IPMK: variants seen among roughly 807,000 people sequenced by gnomAD.
IPMK encodes inositol polyphosphate multikinase, also known as inositol 1,3,4,6-tetrakisphosphate 5-kinase.
Under a neutral mutation model 45.8 loss-of-function variants are expected in IPMK, and 17 were observed. The observed-to-expected ratio is 0.37, with a 90% CI of 0.25 to 0.56. IPMK has a LOEUF of 0.56. Among genes scored for constraint, IPMK ranks in the 20% least tolerant of loss-of-function variants. IPMK has a pLI of 0.79. For missense variants in IPMK, 399 were observed against 498.0 expected (o/e 0.80, Z 1.89); for synonymous variants, 180 against 184.3 (o/e 0.98, Z 0.19).
chr10:58,256,074 T>C (rs572423281), intron 1 of IPMK, among the ~76,000 whole-genome samples: 13 of 152,206 alleles, frequency 8.5e-5, no homozygotes, highest in Non-Finnish European at 1.6e-4. Flanking sequence ...TTGTAAAGCA[T>C]GTGTGTTTAA....
At chr10:58,215,196 C>G (rs1176300147) in intron 4 of IPMK, among the ~76,000 whole-genome samples, 2 of 152,106 alleles carry the variant, frequency 1.3e-5, no homozygotes, top group East Asian at 3.9e-4. Flanking sequence ...TTACATACAA[C>G]CCAAATAAAT....
In IPMK at chr10:58,191,816, T is replaced by C. The variant is rs1837822754; in HGVS notation, c.*4260A>G. On this transcript the variant is annotated 3_prime_UTR_variant, in exon 6 of 6. Coordinates refer to ENST00000373935, the MANE Select transcript of IPMK (RefSeq NM_152230.5). ...CTGCTTATAGTCACTAATAACACAATTTTAGGTGCAATTTCACATGCTTTC... is the reference window on the plus strand; with the variant it reads ...CTGCTTATAGTCACTAATAACACAACTTTAGGTGCAATTTCACATGCTTTC... 1.3e-5 allele frequency: 2 copies of C among 152,092 alleles called. No individual in the cohort carries two copies. The highest frequency in any genetic ancestry group is 4.1e-4 in the South Asian group (2 of 4,836). The allele number at this position is 152,092 out of a possible 1,614,324, so 9.4% of individuals were successfully genotyped here.
Position 58,244,794 on chromosome 10 carries a change from G to T in IPMK, c.191-6980C>A, listed in dbSNP as rs1292615818. 3.9e-5 allele frequency among the ~76,000 whole-genome samples: 6 copies of T among 152,252 alleles called. No homozygotes were observed. In the East Asian group the frequency reaches 1.2e-3, roughly 29 times the overall value. ...TGCTGTGTCAACTCAGGGTTAAATG[G>T]ATTAAGGGCGGTGCACGATGTGCTT... On this transcript the variant is annotated intron_variant, in intron 1 of 5. Coordinates refer to ENST00000373935, the MANE Select transcript of IPMK (RefSeq NM_152230.5).
intron 1 of IPMK, among the ~76,000 whole-genome samples, chr10:58,239,616 G>A (rs1838666749): frequency 6.6e-6 from 1 of 152,124 alleles, no homozygotes; most frequent in African/African-American, 2.4e-5. Flanking sequence ...AAAAGAGATT[G>A]CTTCGTCCAA....
intron 2 of IPMK, among the ~76,000 whole-genome samples, chr10:58,233,923 C>G (rs1009424375): frequency 6.6e-6 from 1 of 152,126 alleles, no homozygotes; most frequent in African/African-American, 2.4e-5. Context: ...AAAACCCCAT[C>G]GTCTCAGCCC....
At chr10:58,197,757 G>A (rs1311109833) in intron 5 of IPMK, among the ~76,000 whole-genome samples, 2 of 152,106 alleles carry the variant, frequency 1.3e-5, no homozygotes, top group South Asian at 2.1e-4. Flanking sequence ...TTCGGGCTGG[G>A]CGCAGTGGCT....
At chr10:58,251,940 C>T (rs962249497) in intron 1 of IPMK, among the ~76,000 whole-genome samples, 2 of 152,210 alleles carry the variant, frequency 1.3e-5, no homozygotes, top group African/African-American at 4.8e-5. Context: ...GTCAGCAACT[C>T]TATGTCTTTT....
At chr10:58,233,240 G>C (rs545044831) in intron 2 of IPMK, among the ~76,000 whole-genome samples, 1 of 152,140 alleles carries the variant, frequency 6.6e-6, no homozygotes, top group Non-Finnish European at 1.5e-5. Flanking sequence ...TCTACCAGAA[G>C]TACAAAGAGG....
intron 1 of IPMK, among the ~76,000 whole-genome samples, chr10:58,261,281 T>C (rs1839062282): frequency 1.3e-5 from 2 of 150,126 alleles, no homozygotes; most frequent in South Asian, 2.1e-4. Flanking sequence ...AAAAAGAAAC[T>C]CAAAAAGGGT....
intron 1 of IPMK, among the ~76,000 whole-genome samples, chr10:58,253,160 G>A (rs1252005170): frequency 6.6e-6 from 1 of 152,162 alleles, no homozygotes; most frequent in Non-Finnish European, 1.5e-5. Flanking sequence ...ATAAATGGAA[G>A]TTCCACTGCA....
chr10:58,245,146 G>A lies in IPMK; in HGVS notation c.191-7332C>T, dbSNP rs1838777647. ...TGCTAAAGCATGGATAAAACTTAAA[G>A]ACATTATGCTAAGTGAAATAAGCCA... On this transcript the variant is annotated intron_variant, in intron 1 of 5. Coordinates refer to ENST00000373935, the MANE Select transcript of IPMK (RefSeq NM_152230.5). Among the ~76,000 whole-genome samples, 6 of 151,628 alleles carry A rather than the reference G, an allele frequency of 4.0e-5. No individual in the cohort carries two copies. In the South Asian group the frequency reaches 1.0e-3, roughly 26 times the overall value.
At chr10:58,249,599 T>C (rs1269438595) in intron 1 of IPMK, among the ~76,000 whole-genome samples, 1 of 152,228 alleles carries the variant, frequency 6.6e-6, no homozygotes, top group Non-Finnish European at 1.5e-5. Context: ...ATTCTGCTTA[T>C]TAATCTGTTC....
In IPMK at chr10:58,193,636, G is replaced by C. The variant is rs1837847690; in HGVS notation, c.*2440C>G. ...ATTTCTTAAAGTCCTTTTTAAATGA[G>C]TGTATTCCATAAGAAATACACTAAA... is the stretch of plus-strand genomic sequence containing the variant. On this transcript the variant is annotated 3_prime_UTR_variant, in exon 6 of 6. Transcript: ENST00000373935. The C allele has an allele frequency of 6.6e-6, 1 of 151,576 alleles. No individual in the cohort carries two copies. The highest frequency in any genetic ancestry group is 6.6e-5 in the Admixed American group (1 of 15,216). 9.4% of individuals were successfully genotyped at this position (151,576 alleles called of 1,614,324 possible).
At chr10:58,238,900 CT>C (rs1240269205) in intron 1 of IPMK, among the ~76,000 whole-genome samples, 30 of 151,768 alleles carry the variant, frequency 2.0e-4, no homozygotes, top group African/African-American at 6.8e-4. Context: ...TGGCTCACAC[CT>C]GTAATTCCAG....
chr10:58,264,726 T>G (rs575469115), intron 1 of IPMK, among the ~76,000 whole-genome samples: 177 of 152,282 alleles, frequency 1.2e-3, no homozygotes, highest in African/African-American at 3.9e-3. Context: ...CAGAAATAGT[T>G]AAATAAATTG....
chr10:58,221,686 G>C (rs1049045054), intron 3 of IPMK, among the ~76,000 whole-genome samples: 4 of 152,052 alleles, frequency 2.6e-5, no homozygotes, highest in Non-Finnish European at 5.9e-5. Flanking sequence ...AGCCTCCTGA[G>C]TAGCTGGGAC....
In IPMK at chr10:58,227,031, T is replaced by C. The variant is rs539923434; in HGVS notation, c.373+12A>G. The stretch of plus-strand genomic sequence containing the variant: ...AATTAAAACTGAAAGATAATTTTTA[T>C]GACAAGATTACCGTTTGGTGCAGTG... On this transcript the variant is annotated intron_variant, in intron 3 of 5. Transcript: ENST00000373935. The C allele has an allele frequency of 3.6e-4, 569 of 1,567,096 alleles. 6 individuals are homozygous for C. The South Asian group carries it at 6.0e-3, about 16-fold the overall frequency.
chr10:58,223,331 C>T (rs559011783), intron 3 of IPMK, among the ~76,000 whole-genome samples: 8 of 151,772 alleles, frequency 5.3e-5, no homozygotes, highest in African/African-American at 1.9e-4. Context: ...GTCTTGATAC[C>T]CTAAGAAAAA....
chr10:58,263,629 G>A (rs1056451013), intron 1 of IPMK, among the ~76,000 whole-genome samples: 1 of 152,058 alleles, frequency 6.6e-6, no homozygotes, highest in Non-Finnish European at 1.5e-5. Flanking sequence ...AGGCTGCAGT[G>A]AACTACATCA....
Sources: gnomAD v4.1 joint callset for allele counts (sites outside exome capture counted in the v4.1 genomes callset) on GRCh38, gnomAD v4.1.1 for gene constraint, MANE v1.5 for transcripts, NCBI Gene and HGNC (gene_info 2026-07-23, HGNC 2026-07-21) for gene names.